CNTRL: variants seen among roughly 807,000 people sequenced by gnomAD.
CNTRL encodes 110 kDa centrosomal protein.
Under a neutral mutation model 303.7 loss-of-function variants are expected in CNTRL, and 233 were observed. The observed-to-expected ratio is 0.77, with a 90% CI of 0.69 to 0.86. The LOEUF (loss-of-function observed/expected upper bound fraction) is 0.86, where lower values mean the gene tolerates loss of function less well. Ranked by LOEUF, CNTRL falls within the 40% of genes least tolerant of loss-of-function variation. The pLI is 0.00. For synonymous variants in CNTRL, 900 were observed against 922.2 expected (o/e 0.98, Z 0.44); for missense variants, 2,524 against 2,650.6 (o/e 0.95, Z 1.05).
At position 121,158,062 on chromosome 9, in the gene CNTRL, G is replaced by A; in HGVS notation, c.4717G>A (p.Val1573Met). Residue 1573 changes from valine (V) to methionine (M), a missense_variant, in exon 30 of 44, where the codon GTG (valine) becomes ATG (methionine). Val to Met is a conservative substitution (Grantham distance 21). Coordinates refer to ENST00000373855, the MANE Select transcript of CNTRL (RefSeq NM_007018.6). ...CCTGCAGGTCCTTAAAGAATCTGAG[G>A]TGCTTCTTCAGGCCAAAAGAGCCGA... Reference protein sequence around the residue: ...HHLQVLKESEVLLQAKRAELE... With the variant: ...HHLQVLKESEMLLQAKRAELE... 1.2e-6 allele frequency: 2 copies of A among 1,614,114 alleles called. No individual in the cohort carries two copies. The highest frequency in any genetic ancestry group is 1.7e-6 in the Non-Finnish European group (2 of 1,180,014).
intron 10 of CNTRL, 107 bp from the exon 11 acceptor site, chr9:121,114,984 A>G: frequency 1.6e-6 from 1 of 628,088 alleles, no homozygotes; most frequent in South Asian, 2.3e-5. Flanking sequence ...TGACAGTTTA[A>G]TAGAGCAGGG....
intron 34 of CNTRL, among the ~76,000 whole-genome samples, chr9:121,162,868 A>G (rs2052916055): frequency 6.6e-6 from 1 of 152,198 alleles, no homozygotes; most frequent in Admixed American, 6.5e-5. Flanking sequence ...AACAGAATAG[A>G]AAGTCTAGAA....
rs1176397737 is a variant in CNTRL, at chr9:121,112,746, C to T, written c.1122+168C>T. On this transcript the variant is annotated intron_variant, in intron 9 of 43. Coordinates refer to ENST00000373855, the MANE Select transcript of CNTRL (RefSeq NM_007018.6). ...GTTCAATCTATGACTTATTTGGCTCCGGGAGTTAGAACAGAATCCTAAAGA... is the reference window on the plus strand; with the variant it reads ...GTTCAATCTATGACTTATTTGGCTCTGGGAGTTAGAACAGAATCCTAAAGA... Among the ~76,000 whole-genome samples the T allele has an allele frequency of 3.9e-5, 6 of 152,048 alleles. No individual in the cohort carries two copies. In the East Asian group the frequency reaches 5.8e-4, roughly 15 times the overall value.
rs191827335 is a variant in CNTRL, at chr9:121,110,859, G to T, written c.1003-1600G>T. Among the ~76,000 whole-genome samples, 201 of 152,050 alleles carry T rather than the reference G, an allele frequency of 1.3e-3. 2 individuals carry two copies. Among genetic ancestry groups the T allele is most frequent in the African/African-American group, 4.5e-3 (185 of 41,498 alleles). On this transcript the variant is annotated intron_variant, in intron 8 of 43. Transcript: ENST00000373855. ...TTCCAGTTCATTTGACATCTATTTT[G>T]CTTTTATTCATGCATTTCTTCAACA... is the stretch of plus-strand genomic sequence containing the variant.
chr9:121,129,400 A>G (rs1215739115), intron 14 of CNTRL, among the ~76,000 whole-genome samples: 2 of 152,148 alleles, frequency 1.3e-5, no homozygotes, highest in South Asian at 2.1e-4. Flanking sequence ...CTTTGTAGCA[A>G]TTGTGAATGG....
rs1013336029 is a variant in CNTRL at position 121,124,177 on chromosome 9, T to C, written c.1804+93T>C. 15 of 1,104,536 alleles carry C rather than the reference T, an allele frequency of 1.4e-5. No individual in the cohort carries two copies. In the Admixed American group the frequency reaches 3.1e-4, roughly 23 times the overall value. The allele number at this position is 1,104,536 out of a possible 1,614,324, so 68.4% of individuals were successfully genotyped here. On this transcript the variant is annotated intron_variant, in intron 13 of 43. Transcript: ENST00000373855. ...AGCATTAATCCAGATAGTAGCTAAA[T>C]ACAGTTCACCTATTAGTACTAGTAT...
chr9:121,086,633 C>CTTTT (rs60828602), intron 2 of CNTRL, among the ~76,000 whole-genome samples: 3 of 119,208 alleles, frequency 2.5e-5, no homozygotes, highest in African/African-American at 6.6e-5. Context: ...GCTGGATTTA[C>CTTTT]TTTTTTTTTT....
At chr9:121,136,600 C>T (rs1308756815) in intron 15 of CNTRL, among the ~76,000 whole-genome samples, 1 of 152,176 alleles carries the variant, frequency 6.6e-6, no homozygotes, top group African/African-American at 2.4e-5. Context: ...CATGGGCCAC[C>T]GTGCCTGGCC....
At chr9:121,101,671 A>G (rs1270340411) in intron 7 of CNTRL, among the ~76,000 whole-genome samples, 2 of 152,226 alleles carry the variant, frequency 1.3e-5, no homozygotes, top group Non-Finnish European at 2.9e-5. Flanking sequence ...AACAAAGAAG[A>G]AAAGAGAGAA....
intron 32 of CNTRL, 24 bp downstream of exon 32, chr9:121,160,326 T>C: frequency 7.0e-7 from 1 of 1,430,538 alleles, no homozygotes; most frequent in Non-Finnish European, 9.2e-7. Flanking sequence ...AAAACAATCA[T>C]ACAAAGTTTG....
chr9:121,169,514 G>A lies in CNTRL; in HGVS notation c.6071-97G>A, dbSNP rs2053220325. ...ATGGAGGAAAGCACCTGCATGGGTAGCATATCACCATTATGCATCTGCCAC... is the reference window on the plus strand; with the variant it reads ...ATGGAGGAAAGCACCTGCATGGGTAACATATCACCATTATGCATCTGCCAC... On this transcript the variant is annotated intron_variant, in intron 38 of 43. Coordinates refer to ENST00000373855, the MANE Select transcript of CNTRL (RefSeq NM_007018.6). 20 of 1,155,682 alleles carry A rather than the reference G, an allele frequency of 1.7e-5. No individual in the cohort carries two copies. The South Asian group carries it at 2.5e-4, about 14-fold the overall frequency. The allele number at this position is 1,155,682 out of a possible 1,614,324, so 71.6% of individuals were successfully genotyped here.
chr9:121,123,009 A>C (rs186445586), intron 12 of CNTRL, among the ~76,000 whole-genome samples: 2 of 152,286 alleles, frequency 1.3e-5, no homozygotes, highest in Admixed American at 6.5e-5. Context: ...AAGAGATTGA[A>C]AGTGAATTTG....
In CNTRL at chr9:121,131,056, T is replaced by A. The variant is rs143855044; in HGVS notation, c.2026-4750T>A. ...GAGGAGTGCTTTACTTCCAACTATGTGGTCAATTTTGGAATAAGTGAGATG... is the reference window on the plus strand; with the variant it reads ...GAGGAGTGCTTTACTTCCAACTATGAGGTCAATTTTGGAATAAGTGAGATG... On this transcript the variant is annotated intron_variant, in intron 14 of 43. Coordinates refer to ENST00000373855, the MANE Select transcript of CNTRL (RefSeq NM_007018.6). Among the ~76,000 whole-genome samples, 652 of 152,330 alleles carry A rather than the reference T, an allele frequency of 4.3e-3. 5 individuals carry two copies. The highest frequency in any genetic ancestry group is 0.015 in the African/African-American group (628 of 41,562).
chr9:121,105,862 G>A (rs546398123), intron 7 of CNTRL, among the ~76,000 whole-genome samples: 1 of 152,226 alleles, frequency 6.6e-6, no homozygotes, highest in East Asian at 1.9e-4. Context: ...ACATTTGGCT[G>A]GAGATTTGAA....
At chr9:121,094,835 T>G (rs775507001) in intron 4 of CNTRL, 53 bp from the exon 5 acceptor site, 60 of 1,349,214 alleles carry the variant, frequency 4.4e-5, no homozygotes, top group Non-Finnish European at 5.9e-5. Flanking sequence ...AATGTTGTAC[T>G]TTATGTCAAG....
intron 41 of CNTRL, 34 bp downstream of exon 41, chr9:121,173,543 A>T (rs763345494): frequency 6.2e-7 from 1 of 1,610,272 alleles, no homozygotes; most frequent in South Asian, 1.1e-5. Flanking sequence ...CTGGGTTCGT[A>T]GGATTGACCA....
At chr9:121,121,845 C>G in intron 12 of CNTRL, 2 of 985,376 alleles carry the variant, frequency 2.0e-6, no homozygotes, top group Non-Finnish European at 2.4e-6. Context: ...ATGTGGCTGT[C>G]AGAGAGGGAA....
At chr9:121,134,620 T>C (rs2051078720) in intron 14 of CNTRL, among the ~76,000 whole-genome samples, 1 of 152,174 alleles carries the variant, frequency 6.6e-6, no homozygotes, top group Non-Finnish European at 1.5e-5. Context: ...ATCTGAACCA[T>C]ATTCAGATTT....
rs1346683605 is a variant in CNTRL at position 121,177,256 on chromosome 9, T to G, written c.*70T>G. On this transcript the variant is annotated 3_prime_UTR_variant, in exon 44 of 44. Transcript: ENST00000373855. ...TACCTCACTGACTTCATAATTGGAA[T>G]GTCACATGGTTTTTTTAATCAAGAT... 5 of 1,310,278 alleles carry G rather than the reference T, an allele frequency of 3.8e-6. No homozygotes were observed. The highest frequency in any genetic ancestry group is 1.9e-5 in the Admixed American group (1 of 53,252). 81.2% of individuals were successfully genotyped at this position (1,310,278 alleles called of 1,614,324 possible). A position where few individuals can be genotyped will look rare whatever the true frequency, so the allele number is the denominator to read the frequency against.
Sources: gnomAD v4.1 joint callset for allele counts (sites outside exome capture counted in the v4.1 genomes callset) on GRCh38, gnomAD v4.1.1 for gene constraint, MANE v1.5 for transcripts, NCBI Gene and HGNC (gene_info 2026-07-23, HGNC 2026-07-21) for gene names.